The following DCC variants were observed in gnomAD, a reference collection of about 807,000 sequenced individuals.
DCC encodes the protein netrin receptor DCC.
In DCC, 58 loss-of-function variants were observed where a neutral mutation model predicts 172.5. The observed-to-expected ratio is 0.34, with a 90% confidence interval of 0.27 to 0.42. The LOEUF is 0.42. Among genes scored for constraint, DCC ranks in the 10% least tolerant of loss-of-function variants. The pLI, the probability that DCC is intolerant of heterozygous loss-of-function variation, is 1.00. For synonymous variants in DCC, 709 were observed against 644.5 expected, an observed-to-expected ratio of 1.10 and a Z score of -1.52; for missense variants, 1,740 against 1,791.0, an observed-to-expected ratio of 0.97 and a Z score of 0.51.
At chr18:53,008,682 A>C (rs909655064) in intron 5 of DCC, among the ~76,000 whole-genome samples, 1 of 152,012 alleles carries the variant, frequency 6.6e-6, no homozygotes, top group Non-Finnish European at 1.5e-5. Context: ...AAACTTTGTA[A>C]ATAAATGAAT....
intron 12 of DCC, among the ~76,000 whole-genome samples, chr18:53,296,201 T>C (rs551296815): frequency 6.6e-6 from 1 of 152,304 alleles, no homozygotes; most frequent in East Asian, 1.9e-4. Context: ...TCCTTCCTGC[T>C]GTTTTCCACT....
intron 9 of DCC, among the ~76,000 whole-genome samples, chr18:53,192,389 G>T (rs1158016306): frequency 6.6e-6 from 1 of 152,042 alleles, no homozygotes; most frequent in African/African-American, 2.4e-5. Flanking sequence ...ATTCCTCAAT[G>T]TACATATACA....
At chr18:53,390,737 C>T (rs1568101316) in intron 16 of DCC, among the ~76,000 whole-genome samples, 1 of 152,074 alleles carries the variant, frequency 6.6e-6, no homozygotes, top group Non-Finnish European at 1.5e-5. Context: ...TAAAAACACA[C>T]ACATCATTTT....
chr18:52,713,258 C>G (rs2036325242), intron 1 of DCC, among the ~76,000 whole-genome samples: 1 of 152,222 alleles, frequency 6.6e-6, no homozygotes, highest in Non-Finnish European at 1.5e-5. Flanking sequence ...TGTTTAACCT[C>G]TGCTTACATG....
chr18:52,916,611 A>G (rs1226562861), intron 3 of DCC, among the ~76,000 whole-genome samples: 1 of 152,204 alleles, frequency 6.6e-6, no homozygotes, highest in Admixed American at 6.6e-5. Flanking sequence ...AATACCAGCT[A>G]GATCAGTAGA....
intron 2 of DCC, among the ~76,000 whole-genome samples, chr18:52,868,489 T>C (rs2039264905): frequency 6.6e-6 from 1 of 152,186 alleles, no homozygotes; most frequent in Non-Finnish European, 1.5e-5. Flanking sequence ...TGCAAAAGTA[T>C]GACAGTAAGA....
At chr18:52,559,537 C>T (rs1333142009) in intron 1 of DCC, among the ~76,000 whole-genome samples, 1 of 152,064 alleles carries the variant, frequency 6.6e-6, no homozygotes, top group Non-Finnish European at 1.5e-5. Flanking sequence ...GCAACACTGA[C>T]AAAATGCACA....
intron 1 of DCC, among the ~76,000 whole-genome samples, chr18:52,669,973 A>G (rs997396209): frequency 3.9e-5 from 6 of 152,200 alleles, no homozygotes; most frequent in Non-Finnish European, 4.4e-5. Flanking sequence ...TAGAGAGGCA[A>G]CTAAATGAGA....
At chr18:52,561,412 C>A (rs1456929636) in intron 1 of DCC, among the ~76,000 whole-genome samples, 2 of 151,180 alleles carry the variant, frequency 1.3e-5, no homozygotes, top group Admixed American at 6.6e-5. Flanking sequence ...TAAATATATA[C>A]ATATATATAT....
chr18:52,935,648 A>G (rs1229256515), intron 5 of DCC, among the ~76,000 whole-genome samples: 2 of 152,036 alleles, frequency 1.3e-5, no homozygotes, highest in Non-Finnish European at 2.9e-5. Flanking sequence ...GCCAAATTTT[A>G]CCTATCCATT....
At chr18:52,673,479 T>A (rs2035590714) in intron 1 of DCC, among the ~76,000 whole-genome samples, 1 of 152,206 alleles carries the variant, frequency 6.6e-6, no homozygotes, top group Non-Finnish European at 1.5e-5. Flanking sequence ...AAGAATACCA[T>A]AGAAAAGTGT....
chr18:53,021,815 A>G (rs2041885597), intron 5 of DCC, among the ~76,000 whole-genome samples: 1 of 152,218 alleles, frequency 6.6e-6, no homozygotes, highest in South Asian at 2.1e-4. Context: ...TGGATTTTGC[A>G]CAATTCTGGA....
intron 1 of DCC, among the ~76,000 whole-genome samples, chr18:52,474,493 G>A (rs1989039784): frequency 1.3e-5 from 2 of 152,176 alleles, no homozygotes. Flanking sequence ...CTTCAAGCTT[G>A]AGATAATAAT....
chr18:53,066,287 T>C, intron 7 of DCC, 121 bp downstream of exon 7: 1 of 913,714 alleles, frequency 1.1e-6, no homozygotes, highest in Non-Finnish European at 1.7e-6. Flanking sequence ...ATCATTTAGT[T>C]AATTAAGGTG....
chr18:52,651,331 C>T (rs562137768), intron 1 of DCC, among the ~76,000 whole-genome samples: 4 of 152,012 alleles, frequency 2.6e-5, no homozygotes, highest in African/African-American at 9.6e-5. Context: ...CAGATGTGGG[C>T]CACCACACTT....
intron 7 of DCC, among the ~76,000 whole-genome samples, chr18:53,102,816 C>G (rs1011090066): frequency 6.6e-6 from 1 of 151,444 alleles, no homozygotes; most frequent in African/African-American, 2.5e-5. Context: ...GAGCACATCA[C>G]CCAAAGGCTA....
In DCC at chr18:53,147,915, G is replaced by A. The variant is rs148583019; in HGVS notation, c.1262-9441G>A. Among the ~76,000 whole-genome samples the A allele has an allele frequency of 3.0e-4, 45 of 152,160 alleles. No homozygotes were observed. In the East Asian group the frequency reaches 8.1e-3, roughly 27 times the overall value. On this transcript the variant is annotated intron_variant, in intron 7 of 28. Coordinates refer to ENST00000442544, the MANE Select transcript of DCC (RefSeq NM_005215.4). ...AATGAGTTGCCTAGTATCCTACAAT[G>A]GTAAAAAGAGCTCTTAAAATGACCT... is the stretch of plus-strand genomic sequence containing the variant.
intron 1 of DCC, among the ~76,000 whole-genome samples, chr18:52,385,895 A>G (rs982140153): frequency 2.6e-5 from 4 of 152,078 alleles, no homozygotes; most frequent in Non-Finnish European, 5.9e-5. Flanking sequence ...TGCGAGCTAT[A>G]ATAGCCATCT....
intron 5 of DCC, among the ~76,000 whole-genome samples, chr18:53,048,760 G>A (rs2042294708): frequency 6.6e-6 from 1 of 151,274 alleles, no homozygotes; most frequent in African/African-American, 2.4e-5. Flanking sequence ...AGCTCTTTGA[G>A]GAATCTTCAT....
Sources: allele counts gnomAD v4.1 joint callset (sites outside exome capture counted in the v4.1 genomes callset), GRCh38; gene constraint gnomAD v4.1.1; transcripts MANE v1.5; gene names NCBI Gene and HGNC (gene_info 2026-07-23, HGNC 2026-07-21).